The following FAM151B variants were observed in gnomAD, a reference collection of about 807,000 sequenced individuals.
FAM151B encodes family with sequence similarity 151 member B.
Under a neutral mutation model 31.2 loss-of-function variants are expected in FAM151B, and 24 were observed. The ratio of observed to expected loss-of-function variants is 0.77; its 90% CI spans 0.56 to 1.08. The LOEUF (loss-of-function observed/expected upper bound fraction) is 1.08, where lower values mean the gene tolerates loss of function less well. Ranked by LOEUF, FAM151B falls within the 50% of genes least tolerant of loss-of-function variation. FAM151B has a pLI of 0.00. For synonymous variants in FAM151B, 105 were observed against 111.4 expected, an observed-to-expected ratio of 0.94 and a Z score of 0.36; for missense variants, 293 against 328.6, an observed-to-expected ratio of 0.89 and a Z score of 0.84.
chr5:80,505,175 T>C (rs988624744), intron 2 of FAM151B, among the ~76,000 whole-genome samples: 3 of 152,122 alleles, frequency 2.0e-5, no homozygotes, highest in Non-Finnish European at 4.4e-5. Flanking sequence ...CTTGGTGTTT[T>C]GGTGTTTATT....
In FAM151B at chr5:80,513,786, G is replaced by C; in HGVS notation, c.317+17G>C. ...TTTCAAAAGGTATTTGTATAAACAC[G>C]TTCAATTTTCTGGGAAAAAAGTAAT... On this transcript the variant is annotated intron_variant, in intron 3 of 5. Transcript: ENST00000282226. The C allele has an allele frequency of 6.3e-7, 1 of 1,581,986 alleles. No homozygotes were observed. The highest frequency in any genetic ancestry group is 8.6e-7 in the Non-Finnish European group (1 of 1,166,676).
chr5:80,531,016 A>G (rs1483930204), intron 5 of FAM151B, among the ~76,000 whole-genome samples: 2 of 152,248 alleles, frequency 1.3e-5, no homozygotes, highest in Admixed American at 6.5e-5. Context: ...CCAAAACAGC[A>G]TAGTACTGGT....
intron 5 of FAM151B, 108 bp from the exon 6 acceptor site, chr5:80,541,565 C>A: frequency 1.0e-6 from 1 of 972,664 alleles, no homozygotes; most frequent in Non-Finnish European, 1.6e-6. Flanking sequence ...ATTTTTTCAT[C>A]TGAGTGCATT....
At chr5:80,508,489 A>G (rs1318067460) in intron 2 of FAM151B, among the ~76,000 whole-genome samples, 4 of 151,558 alleles carry the variant, frequency 2.6e-5, no homozygotes, top group African/African-American at 7.3e-5. Flanking sequence ...ATGAATTGGT[A>G]TCTCATTGTG....
At chr5:80,515,643 TTTGC>T (rs1308493149) in intron 3 of FAM151B, among the ~76,000 whole-genome samples, 2 of 152,214 alleles carry the variant, frequency 1.3e-5, no homozygotes, top group African/African-American at 4.8e-5. Context: ...AAACAAAGAT[TTTGC>T]AAGTTTTTTT....
At chr5:80,489,750 T>C (rs938522478) in intron 1 of FAM151B, among the ~76,000 whole-genome samples, 4 of 152,048 alleles carry the variant, frequency 2.6e-5, no homozygotes, top group African/African-American at 9.7e-5. Context: ...CAGTGAAACC[T>C]CGTCTCTACT....
intron 5 of FAM151B, among the ~76,000 whole-genome samples, chr5:80,536,976 C>T (rs1299484194): frequency 2.0e-5 from 3 of 151,854 alleles, no homozygotes; most frequent in Non-Finnish European, 4.4e-5. Context: ...ATGAATAAGG[C>T]CTAATATGTG....
intron 5 of FAM151B, among the ~76,000 whole-genome samples, chr5:80,541,445 G>C (rs561367321): frequency 6.6e-6 from 1 of 152,212 alleles, no homozygotes; most frequent in Non-Finnish European, 1.5e-5. Flanking sequence ...CTGCAATTCA[G>C]ATAGAGCAGT....
chr5:80,517,772 T>C (rs990335643), intron 3 of FAM151B, among the ~76,000 whole-genome samples: 1 of 152,158 alleles, frequency 6.6e-6, no homozygotes, highest in Non-Finnish European at 1.5e-5. Flanking sequence ...GAGAATACGC[T>C]GTTTGAAACT....
intron 2 of FAM151B, among the ~76,000 whole-genome samples, chr5:80,512,398 G>A (rs970799178): frequency 6.6e-6 from 1 of 152,190 alleles, no homozygotes; most frequent in African/African-American, 2.4e-5. Context: ...GCAAAAATGT[G>A]TGTTATTATT....
intron 5 of FAM151B, among the ~76,000 whole-genome samples, chr5:80,538,131 G>A (rs1332028322): frequency 2.7e-5 from 4 of 150,694 alleles, no homozygotes; most frequent in South Asian, 2.1e-4. Context: ...TCAGTGGCGC[G>A]ATTTCGGGTC....
intron 2 of FAM151B, among the ~76,000 whole-genome samples, chr5:80,513,088 C>A (rs1744257555): frequency 6.6e-6 from 1 of 152,110 alleles, no homozygotes; most frequent in Admixed American, 6.6e-5. Context: ...TCTGTCACAG[C>A]CTGCTGAACA....
chr5:80,538,483 T>TTTCTTTCTTTCTTTCTTTCC (rs1554059092), intron 5 of FAM151B, among the ~76,000 whole-genome samples: 13 of 101,106 alleles, frequency 1.3e-4, no homozygotes, highest in African/African-American at 4.5e-4. Context: ...TCTTTCTTTC[T>TTTCTTTCTTTCTTTCTTTCC]TTCCTTCCTT....
intron 1 of FAM151B, chr5:80,498,749 C>T: frequency 1.8e-6 from 1 of 558,696 alleles, no homozygotes. Flanking sequence ...TGTAAGACTT[C>T]TTCCTTTTCT....
chr5:80,498,702 ATCT>A, intron 1 of FAM151B: 1 of 597,074 alleles, frequency 1.7e-6, no homozygotes, highest in Non-Finnish European at 3.2e-6. Flanking sequence ...AGCCAGCTTC[ATCT>A]TCTTTCTCTT....
intron 1 of FAM151B, chr5:80,498,862 T>A (rs1743641854): frequency 5.6e-5 from 22 of 393,686 alleles, no homozygotes; most frequent in South Asian, 5.0e-4. Context: ...CCAGCAGAGA[T>A]CCGTCTTTGC....
chr5:80,513,912 C>T, intron 3 of FAM151B, 143 bp downstream of exon 3: 1 of 781,032 alleles, frequency 1.3e-6, no homozygotes, highest in South Asian at 3.0e-5. Context: ...AACCTAAGAC[C>T]CACTGAGTTA....
intron 5 of FAM151B, among the ~76,000 whole-genome samples, chr5:80,540,623 C>A (rs964347920): frequency 6.6e-6 from 1 of 151,990 alleles, no homozygotes; most frequent in African/African-American, 2.4e-5. Flanking sequence ...ATGCTCATAA[C>A]CATGTCTTTT....
chr5:80,516,808 G>A (rs1402537539), intron 3 of FAM151B, among the ~76,000 whole-genome samples: 2 of 152,228 alleles, frequency 1.3e-5, no homozygotes, highest in Non-Finnish European at 2.9e-5. Flanking sequence ...ATGCAATATT[G>A]AGTCTTCCAG....
Sources: allele counts gnomAD v4.1 joint callset (sites outside exome capture counted in the v4.1 genomes callset), GRCh38; gene constraint gnomAD v4.1.1; transcripts MANE v1.5; gene names NCBI Gene and HGNC (gene_info 2026-07-23, HGNC 2026-07-21).